Variants in PCDH15 observed in about 807,000 individuals in gnomAD.
The protein encoded by PCDH15 is protocadherin-15.
A neutral mutation model predicts 178.5 loss-of-function variants in PCDH15; 129 were observed. The observed-to-expected ratio is 0.72, with a 90% CI of 0.63 to 0.84. PCDH15 has a LOEUF of 0.84. Ranked by LOEUF, PCDH15 falls within the 40% of genes least tolerant of loss-of-function variation. The pLI, the probability that PCDH15 is intolerant of heterozygous loss-of-function variation, is 0.00. For synonymous variants in PCDH15, 800 were observed against 732.0 expected (o/e 1.09, Z -1.50); for missense variants, 2,230 against 2,099.9 (o/e 1.06, Z -1.21).
chr10:54,350,521 T>G (rs1226683939), intron 5 of PCDH15, among the ~76,000 whole-genome samples: 1 of 152,082 alleles, frequency 6.6e-6, no homozygotes, highest in Non-Finnish European at 1.5e-5. Context: ...TGTTCACATA[T>G]GAGATAGGGT....
chr10:54,317,311 G>A lies in PCDH15; in HGVS notation c.836C>T (p.Pro279Leu), dbSNP rs774256902. ...AGGTATGGCAGCTTGATAAGTGAGT[G>A]GACGGCAATCACGAGTGTTTGGCAC... The part of the protein sequence containing the change: ...VLVPNTRDCR[P>L]LTYQAAIPEL... Residue 279 changes from proline (P) to leucine (L), a missense_variant, in exon 8 of 38, where the codon CCA becomes CTA. By Grantham distance (98) the Pro-to-Leu change is moderately conservative. Coordinates refer to ENST00000644397, the MANE Select transcript of PCDH15 (RefSeq NM_001384140.1). 3.1e-6 allele frequency: 5 copies of A among 1,613,892 alleles called. No homozygotes were observed. In the South Asian group the frequency reaches 5.5e-5, roughly 18 times the overall value.
intron 23 of PCDH15, among the ~76,000 whole-genome samples, chr10:53,954,720 A>G (rs148332325): frequency 5.3e-5 from 8 of 152,354 alleles, no homozygotes; most frequent in African/African-American, 7.2e-5. Context: ...TACTCATTAA[A>G]CTGAAATCAC....
At chr10:55,081,322 C>T (rs541755834) in intron 2 of PCDH15, among the ~76,000 whole-genome samples, 7 of 152,212 alleles carry the variant, frequency 4.6e-5, no homozygotes, top group African/African-American at 1.4e-4. Flanking sequence ...CCTAGTCAGC[C>T]AGCTTGAAAC....
chr10:55,336,124 G>GAAAAAAA (rs748988261), intron 2 of PCDH15, among the ~76,000 whole-genome samples: 8 of 59,292 alleles, frequency 1.3e-4, no homozygotes, highest in African/African-American at 3.0e-4. Flanking sequence ...CTTGGTATTT[G>GAAAAAAA]AAAAAAAAAA....
rs142950385 is a variant in PCDH15 at position 55,330,557 on chromosome 10, T to C, written c.-155-163906A>G. 5.2e-3 allele frequency among the ~76,000 whole-genome samples: 794 copies of C among 152,032 alleles called. 11 individuals are homozygous for C. The highest frequency in any genetic ancestry group is 0.018 in the African/African-American group (746 of 41,542). On this transcript the variant is annotated intron_variant, in intron 2 of 5. Transcript: ENST00000613346. ...AATATTCAGGGTTGTCAAGTCCTAA[T>C]ACATTATTGGGAAATTATAGCTGTT...
rs542545935 is a variant in PCDH15, at chr10:55,080,366, T to A, written c.-80+86210A>T. Among the ~76,000 whole-genome samples the A allele has an allele frequency of 2.6e-5, 4 of 152,172 alleles. No homozygotes were observed. In the East Asian group the frequency reaches 5.8e-4, roughly 22 times the overall value. On this transcript the variant is annotated intron_variant, in intron 2 of 5. Coordinates refer to the PCDH15 transcript ENST00000458638. Reference sequence around the variant, plus strand: ...AGGGATGTAGGTTCCACACCCCTTATGAGAATCTAACTAATGCCTGATGAT... The same window carrying A: ...AGGGATGTAGGTTCCACACCCCTTAAGAGAATCTAACTAATGCCTGATGAT...
intron 3 of PCDH15, among the ~76,000 whole-genome samples, chr10:54,411,714 C>T (rs1953547782): frequency 6.6e-6 from 1 of 152,056 alleles, no homozygotes; most frequent in Non-Finnish European, 1.5e-5. Context: ...TGATATAAGA[C>T]TAGACAGTGA....
chr10:54,740,842 A>G (rs1008383353), intron 1 of PCDH15, among the ~76,000 whole-genome samples: 10 of 152,020 alleles, frequency 6.6e-5, no homozygotes, highest in East Asian at 1.9e-4. Context: ...GATAATGACT[A>G]TAACAGTGGT....
At chr10:55,369,907 C>A (rs1845461098) in intron 2 of PCDH15, among the ~76,000 whole-genome samples, 2 of 151,872 alleles carry the variant, frequency 1.3e-5, no homozygotes, top group Admixed American at 1.3e-4. Flanking sequence ...TTCCAATGAA[C>A]TGGTCTATCT....
At chr10:54,828,137 G>A (rs984630250) in intron 3 of PCDH15, among the ~76,000 whole-genome samples, 1 of 151,942 alleles carries the variant, frequency 6.6e-6, no homozygotes, top group African/African-American at 2.4e-5. Flanking sequence ...GGAAGCAAAT[G>A]TTTTGGATAT....
intron 8 of PCDH15, among the ~76,000 whole-genome samples, chr10:54,239,560 A>G (rs1374051366): frequency 2.0e-5 from 3 of 151,890 alleles, no homozygotes; most frequent in Non-Finnish European, 4.4e-5. Flanking sequence ...GGGATAGAAA[A>G]TATTTTACAT....
intron 2 of PCDH15, among the ~76,000 whole-genome samples, chr10:55,548,167 C>T (rs1841930593): frequency 6.7e-6 from 1 of 149,924 alleles, no homozygotes. Context: ...CATCATGGAG[C>T]AGAAACGAAC....
intron 2 of PCDH15, among the ~76,000 whole-genome samples, chr10:55,087,997 C>T (rs1005480719): frequency 6.6e-6 from 1 of 152,050 alleles, no homozygotes. Context: ...TAATTATCTA[C>T]ACATGTTATA....
At chr10:55,041,902 C>A (rs1840871565) in intron 2 of PCDH15, among the ~76,000 whole-genome samples, 1 of 151,954 alleles carries the variant, frequency 6.6e-6, no homozygotes, top group Admixed American at 6.6e-5. Context: ...AAATAGAATA[C>A]AAATACATAA....
At chr10:54,783,612 G>C (rs1950572668) in intron 1 of PCDH15, among the ~76,000 whole-genome samples, 1 of 152,122 alleles carries the variant, frequency 6.6e-6, no homozygotes, top group Non-Finnish European at 1.5e-5. Flanking sequence ...TCTTCAGAGA[G>C]ATATGGACTT....
At chr10:53,980,917 T>A (rs967238142) in intron 21 of PCDH15, among the ~76,000 whole-genome samples, 1 of 152,212 alleles carries the variant, frequency 6.6e-6, no homozygotes, top group African/African-American at 2.4e-5. Flanking sequence ...GGGTAGTATG[T>A]AACTTATTTA....
intron 4 of PCDH15, among the ~76,000 whole-genome samples, chr10:54,377,440 T>C (rs1262890240): frequency 1.3e-5 from 2 of 152,110 alleles, no homozygotes; most frequent in Non-Finnish European, 2.9e-5. Context: ...TATGCTTTGA[T>C]GAATGAACCC....
intron 1 of PCDH15, among the ~76,000 whole-genome samples, chr10:54,731,178 A>C (rs1943275211): frequency 6.6e-6 from 1 of 151,288 alleles, no homozygotes. Context: ...CAACATCACT[A>C]GTCTTCAGTG....
intron 21 of PCDH15, among the ~76,000 whole-genome samples, chr10:53,981,916 C>T (rs2090678096): frequency 6.6e-6 from 1 of 150,962 alleles, no homozygotes. Flanking sequence ...TCACAACCTA[C>T]TCATCTGACA....
Sources: gnomAD v4.1 joint callset for allele counts (sites outside exome capture counted in the v4.1 genomes callset) on GRCh38, gnomAD v4.1.1 for gene constraint, MANE v1.5 for transcripts, NCBI Gene and HGNC (gene_info 2026-07-23, HGNC 2026-07-21) for gene names.